The following MFN1 variants were observed in gnomAD, a reference collection of about 807,000 sequenced individuals.
MFN1 encodes mitofusin 1.
MFN1 carries 65 observed loss-of-function variants against 92.4 expected under a neutral mutation model. That is an observed-to-expected ratio of 0.70 (90% CI 0.58 to 0.86). The LOEUF (loss-of-function observed/expected upper bound fraction) is 0.86. MFN1 is among the 40% of genes least tolerant of loss of function. The pLI, the probability that MFN1 is intolerant of heterozygous loss-of-function variation, is 0.00. For missense variants in MFN1, 781 were observed against 868.0 expected (o/e 0.90, Z 1.26); for synonymous variants, 297 against 300.9 (o/e 0.99, Z 0.13).
chr3:179,368,139 CTCTT>C (rs749544461), intron 9 of MFN1, 36 bp downstream of exon 9: 67 of 1,443,528 alleles, frequency 4.6e-5, no homozygotes, highest in Non-Finnish European at 5.8e-5. Flanking sequence ...TAATACAAAA[CTCTT>C]TCTTTGGTTG....
chr3:179,373,406 A>G (rs1014262884), intron 9 of MFN1, among the ~76,000 whole-genome samples: 1 of 152,186 alleles, frequency 6.6e-6, no homozygotes, highest in Non-Finnish European at 1.5e-5. Context: ...CCTAAAAGCC[A>G]TTTATTAAAG....
chr3:179,357,091 T>G (rs1052933873), intron 3 of MFN1, among the ~76,000 whole-genome samples: 1 of 152,138 alleles, frequency 6.6e-6, no homozygotes, highest in Non-Finnish European at 1.5e-5. Context: ...TCCATATCAT[T>G]CCTCTGTGGG....
At chr3:179,349,762 C>T (rs1712069540) in intron 2 of MFN1, among the ~76,000 whole-genome samples, 1 of 152,104 alleles carries the variant, frequency 6.6e-6, no homozygotes, top group African/African-American at 2.4e-5. Context: ...CTCTCTTGGC[C>T]TCCCAAAGTG....
intron 9 of MFN1, 119 bp downstream of exon 9, chr3:179,368,222 TACTG>T: frequency 1.7e-6 from 1 of 596,780 alleles, no homozygotes; most frequent in Non-Finnish European, 2.4e-6. Context: ...TTAGTTTAGT[TACTG>T]ACACAGCCAG....
chr3:179,353,054 AAT>A (rs1560189245), intron 3 of MFN1, among the ~76,000 whole-genome samples: 4 of 124,342 alleles, frequency 3.2e-5, no homozygotes, highest in African/African-American at 3.0e-5. Flanking sequence ...ATCCAGCCTA[AAT>A]TTTTTTTTTT....
At chr3:179,384,509 G>T (rs1713596069) in intron 14 of MFN1, among the ~76,000 whole-genome samples, 1 of 152,130 alleles carries the variant, frequency 6.6e-6, no homozygotes, top group Admixed American at 6.6e-5. Context: ...GTCCTATAGA[G>T]TTGCAGGATT....
chr3:179,364,476 CA>C, intron 6 of MFN1, 71 bp downstream of exon 6: 2 of 1,209,062 alleles, frequency 1.7e-6, no homozygotes, highest in Non-Finnish European at 2.4e-6. Flanking sequence ...TTCTGAAAAG[CA>C]AGGGAAATCC....
At chr3:179,390,367 A>G (rs755836947) in intron 17 of MFN1, among the ~76,000 whole-genome samples, 1 of 152,206 alleles carries the variant, frequency 6.6e-6, no homozygotes, top group Non-Finnish European at 1.5e-5. Flanking sequence ...TAATTGCAAC[A>G]AGAAAACAAA....
chr3:179,372,427 T>C (rs1193927263), intron 9 of MFN1, among the ~76,000 whole-genome samples: 1 of 152,064 alleles, frequency 6.6e-6, no homozygotes, highest in Non-Finnish European at 1.5e-5. Flanking sequence ...CTGCTGCATA[T>C]TATATATGTT....
At chr3:179,388,437 T>G (rs1713781371) in intron 16 of MFN1, among the ~76,000 whole-genome samples, 1 of 152,188 alleles carries the variant, frequency 6.6e-6, no homozygotes, top group Non-Finnish European at 1.5e-5. Context: ...GGTTTCTGCT[T>G]TTATACAACT....
chr3:179,356,078 T>G (rs1274945209), intron 3 of MFN1, among the ~76,000 whole-genome samples: 2 of 152,232 alleles, frequency 1.3e-5, no homozygotes, highest in African/African-American at 4.8e-5. Context: ...AGGAATTCCC[T>G]GAGTGATTGG....
At position 179,378,437 on chromosome 3, in the gene MFN1, A is replaced by G. The variant is rs761753672; in HGVS notation, c.1426A>G (p.Ile476Val). The change falls in exon 13 of 18, where the codon ATT becomes GTT. Residue 476 changes from isoleucine (I) to valine (V), a missense_variant. Coordinates refer to ENST00000471841, the MANE Select transcript of MFN1 (RefSeq NM_033540.3). ...NALVLQTQQEIIENLKPLLPA... is the reference protein window; with the variant it reads ...NALVLQTQQEVIENLKPLLPA... Reference sequence around the variant, plus strand: ...CTTAGTGCTTCAGACCCAGCAAGAAATTATTGGTAATATTTATGTCTACAA... The same window carrying G: ...CTTAGTGCTTCAGACCCAGCAAGAAGTTATTGGTAATATTTATGTCTACAA... 7.5e-6 allele frequency: 12 copies of G among 1,590,248 alleles called. No individual in the cohort carries two copies. The East Asian group carries it at 8.9e-5, about 12-fold the overall frequency.
chr3:179,379,351 T>C (rs1416806053), intron 14 of MFN1, among the ~76,000 whole-genome samples: 1 of 152,144 alleles, frequency 6.6e-6, no homozygotes, highest in Non-Finnish European at 1.5e-5. Context: ...AAAAAATTTT[T>C]TTTTGAGTGG....
chr3:179,364,149 C>G (rs1712691461), intron 5 of MFN1, 148 bp from the exon 6 acceptor site: 2 of 560,692 alleles, frequency 3.6e-6, no homozygotes, highest in Non-Finnish European at 6.2e-6. Context: ...TCAAAGATCA[C>G]TAAGTTAAAA....
chr3:179,354,069 C>A (rs908178653), intron 3 of MFN1, among the ~76,000 whole-genome samples: 2 of 152,146 alleles, frequency 1.3e-5, no homozygotes, highest in Admixed American at 6.5e-5. Flanking sequence ...ATTCTCAGGG[C>A]CTTACACAGA....
intron 1 of MFN1, among the ~76,000 whole-genome samples, chr3:179,348,318 TCTTAAA>T (rs1398455667): frequency 1.3e-5 from 2 of 152,246 alleles, no homozygotes; most frequent in Non-Finnish European, 2.9e-5. Flanking sequence ...ACCTATGCTT[TCTTAAA>T]CTTATAGTCC....
chr3:179,381,872 G>C (rs1713481058), intron 14 of MFN1, among the ~76,000 whole-genome samples: 1 of 152,142 alleles, frequency 6.6e-6, no homozygotes, highest in Non-Finnish European at 1.5e-5. Flanking sequence ...TAAAAAATCT[G>C]AAATCTGAAA....
intron 9 of MFN1, 31 bp downstream of exon 9, chr3:179,368,134 C>T (rs1321917968): frequency 6.8e-7 from 1 of 1,473,552 alleles, no homozygotes; most frequent in Non-Finnish European, 9.1e-7. Flanking sequence ...TTGCCTAATA[C>T]AAAACTCTTT....
chr3:179,358,156 T>TTTTG (rs1553845776), intron 3 of MFN1, among the ~76,000 whole-genome samples: 1 of 147,990 alleles, frequency 6.8e-6, no homozygotes, highest in African/African-American at 2.5e-5. Flanking sequence ...TTTTGTTTTT[T>TTTTG]TTTTTTTTTT....
Sources: gnomAD v4.1 joint callset for allele counts (sites outside exome capture counted in the v4.1 genomes callset) on GRCh38, gnomAD v4.1.1 for gene constraint, MANE v1.5 for transcripts, NCBI Gene and HGNC (gene_info 2026-07-23, HGNC 2026-07-21) for gene names.